The following PAXIP1 variants were observed in gnomAD, a reference collection of about 807,000 sequenced individuals.
The protein encoded by PAXIP1 is PAX interacting protein 1, also known as PAX-interacting protein 1.
In PAXIP1, 19 loss-of-function variants were observed where a neutral mutation model predicts 140.6. The observed-to-expected ratio is 0.14, with a 90% confidence interval of 0.09 to 0.20. The LOEUF (loss-of-function observed/expected upper bound fraction) is 0.20, where lower values mean the gene tolerates loss of function less well. Ranked by LOEUF, PAXIP1 falls within the 10% of genes least tolerant of loss-of-function variation. The probability of loss-of-function intolerance (pLI) is 1.00; values close to 1 mark genes in which losing one functional copy is unlikely to be tolerated. For missense variants in PAXIP1, 920 were observed against 1,208.6 expected, an observed-to-expected ratio of 0.76 and a Z score of 3.54; for synonymous variants, 442 against 444.6, an observed-to-expected ratio of 0.99 and a Z score of 0.07.
At chr7:154,953,960 T>G (rs1002959930) in intron 16 of PAXIP1, among the ~76,000 whole-genome samples, 3 of 152,158 alleles carry the variant, frequency 2.0e-5, no homozygotes, top group Non-Finnish European at 4.4e-5. Context: ...TTGAAAAATC[T>G]CATTTTACAG....
intron 20 of PAXIP1, 51 bp from the exon 21 acceptor site, chr7:154,944,215 T>A: frequency 6.5e-7 from 1 of 1,548,476 alleles, no homozygotes; most frequent in Non-Finnish European, 8.8e-7. Flanking sequence ...AAGAAAAACA[T>A]GAAACCAAGG....
At chr7:154,993,682 CAG>C (rs1287154453) in intron 3 of PAXIP1, 42 bp downstream of exon 3, 8 of 1,454,030 alleles carry the variant, frequency 5.5e-6, no homozygotes, top group African/African-American at 2.8e-5. Context: ...GTCTTAAACC[CAG>C]AGTTACCCTT....
At chr7:154,995,750 T>C (rs917932879) in intron 2 of PAXIP1, among the ~76,000 whole-genome samples, 9 of 152,014 alleles carry the variant, frequency 5.9e-5, no homozygotes, top group Admixed American at 5.2e-4. Flanking sequence ...CTAGGGAGGC[T>C]GAGAGAGGAG....
In PAXIP1 at chr7:154,970,764, G is replaced by A. The variant is rs530414104; in HGVS notation, c.1075-1638C>T. On this transcript the variant is annotated intron_variant, in intron 6 of 20. Coordinates refer to ENST00000404141, the MANE Select transcript of PAXIP1 (RefSeq NM_007349.4). ...TACACGGCAAACTGCTGGAAACAGC[G>A]GCTGCCTCTTGAGAAGGTAAACAGC... Among the ~76,000 whole-genome samples the A allele has an allele frequency of 5.3e-5, 8 of 152,328 alleles. No homozygotes were observed. The East Asian group carries it at 9.6e-4, about 18-fold the overall frequency.
intron 16 of PAXIP1, chr7:154,950,126 A>C (rs1202318735): frequency 6.6e-6 from 1 of 152,226 alleles, no homozygotes; most frequent in Non-Finnish European, 1.5e-5. Flanking sequence ...AATTTTATGT[A>C]AGTTACACAT....
At chr7:154,947,831 C>A in intron 17 of PAXIP1, 72 bp downstream of exon 17, 2 of 1,081,828 alleles carry the variant, frequency 1.8e-6, no homozygotes, top group Non-Finnish European at 2.9e-6. Flanking sequence ...CACCAAATCA[C>A]CTGGTAGTTC....
chr7:154,945,819 G>A, intron 20 of PAXIP1: 1 of 983,886 alleles, frequency 1.0e-6, no homozygotes, highest in South Asian at 4.7e-5. Flanking sequence ...TCAAATAACA[G>A]ATGATGAGCT....
chr7:154,968,717 T>C lies in PAXIP1; in HGVS notation c.1484A>G (p.His495Arg). The C allele has an allele frequency of 1.4e-6, 1 of 718,422 alleles. No individual in the cohort carries two copies. Among genetic ancestry groups the C allele is most frequent in the Non-Finnish European group, 2.6e-6 (1 of 385,182 alleles). The allele number at this position is 718,422 out of a possible 1,614,324, so 44.5% of individuals were successfully genotyped here. A position where few individuals can be genotyped will look rare whatever the true frequency, so the allele number is the denominator to read the frequency against. The stretch of plus-strand genomic sequence containing the variant: ...CTGATGGAACTGCTGCTGCAGGGCA[T>C]GCTGCTGCTGAAAGGGCTGGAGCTG... ...QQQLQPFQQQ[H>R]ALQQQFHQLQ... Residue 495 changes from histidine to arginine, a missense_variant, in exon 7 of 21, where the codon CAT (histidine) becomes CGT (arginine). Transcript: ENST00000404141.
intron 9 of PAXIP1, among the ~76,000 whole-genome samples, chr7:154,962,924 A>C (rs1808823190): frequency 6.6e-6 from 1 of 152,310 alleles, no homozygotes; most frequent in Admixed American, 6.5e-5. Flanking sequence ...GTGTCTTGGA[A>C]GTCATTTGTC....
At chr7:154,999,790 G>C (rs534718700) in intron 1 of PAXIP1, among the ~76,000 whole-genome samples, 1 of 152,292 alleles carries the variant, frequency 6.6e-6, no homozygotes, top group Non-Finnish European at 1.5e-5. Context: ...GGATCTCCCT[G>C]ACAGAAAGTC....
rs545965273 is a variant in PAXIP1, at chr7:154,957,462, T to C, written c.2479-168A>G. 3.9e-5 allele frequency among the ~76,000 whole-genome samples: 6 copies of C among 152,336 alleles called. No individual in the cohort carries two copies. The South Asian group carries it at 1.0e-3, about 26-fold the overall frequency. On this transcript the variant is annotated intron_variant, in intron 13 of 20. Coordinates refer to ENST00000404141, the MANE Select transcript of PAXIP1 (RefSeq NM_007349.4). The stretch of plus-strand genomic sequence containing the variant: ...TCACCTCAAAAGATCACTAGGACAA[T>C]GCAAGTGGGGAGAAGCAGCTAATAT...
chr7:154,965,908 C>G (rs1808992497), intron 8 of PAXIP1, among the ~76,000 whole-genome samples: 1 of 152,106 alleles, frequency 6.6e-6, no homozygotes, highest in Admixed American at 6.5e-5. Context: ...CCTCAATCTA[C>G]CAGTGTTTTC....
chr7:154,961,044 C>T lies in PAXIP1; in HGVS notation c.2283G>A (p.Glu761=). 2 of 1,590,258 alleles carry T rather than the reference C, an allele frequency of 1.3e-6. No homozygotes were observed. The highest frequency in any genetic ancestry group is 8.5e-7 in the Non-Finnish European group (1 of 1,169,596). Residue 761 remains glutamate (E), a synonymous_variant, in exon 12 of 21, where the codon GAG becomes GAA. Transcript: ENST00000404141. Reference sequence around the variant, plus strand: ...GGGCGTTGACACAGGGTATCCTCCACTCTTTGGCTTTTTCATACTTTAAAC... The same window carrying T: ...GGGCGTTGACACAGGGTATCCTCCATTCTTTGGCTTTTTCATACTTTAAAC... ...PTGLKYEKAK[E]WRIPCVNAQW... is the part of the protein sequence containing the mutation.
chr7:154,962,650 G>A (rs1808804966), intron 9 of PAXIP1, 192 bp from the exon 10 acceptor site: 1 of 485,058 alleles, frequency 2.1e-6, no homozygotes, highest in Non-Finnish European at 3.7e-6. Flanking sequence ...ACCTAAAAAT[G>A]TTACTATCCA....
At chr7:154,978,047 A>G (rs1809681075) in intron 5 of PAXIP1, among the ~76,000 whole-genome samples, 1 of 151,976 alleles carries the variant, frequency 6.6e-6, no homozygotes, top group Non-Finnish European at 1.5e-5. Context: ...ATAACTGGCA[A>G]TCTTTTACAA....
In PAXIP1 at chr7:154,960,972, C is replaced by A; in HGVS notation, c.2355G>T (p.Gln785His). ...ILLGNFEALR[Q>H]IQYSRYTAFS... is the part of the protein sequence containing the mutation. The stretch of plus-strand genomic sequence containing the variant: ...ATGCCGTGTAGCGACTATACTGAAT[C>A]TGCCTCAGTGCCTCAAAGTTTCCCA... Residue 785 changes from glutamine to histidine, a missense_variant, in exon 12 of 21, where the codon CAG becomes CAT. Coordinates refer to ENST00000404141, the MANE Select transcript of PAXIP1 (RefSeq NM_007349.4). The A allele has an allele frequency of 6.2e-7, 1 of 1,604,440 alleles. No homozygotes were observed. The highest frequency in any genetic ancestry group is 8.5e-7 in the Non-Finnish European group (1 of 1,175,062).
chr7:154,959,361 G>C (rs192904612), intron 13 of PAXIP1, among the ~76,000 whole-genome samples: 2 of 152,174 alleles, frequency 1.3e-5, no homozygotes, highest in Non-Finnish European at 2.9e-5. Flanking sequence ...ATGTTCAGTC[G>C]AACAGTGAGA....
At chr7:154,945,744 G>A (rs1807938391) in intron 20 of PAXIP1, 6 of 985,160 alleles carry the variant, frequency 6.1e-6, no homozygotes, top group Non-Finnish European at 7.2e-6. Context: ...TGTAAGGCAT[G>A]TTTTGCTTCA....
At chr7:154,978,253 T>A (rs1439509257) in intron 5 of PAXIP1, among the ~76,000 whole-genome samples, 1 of 152,204 alleles carries the variant, frequency 6.6e-6, no homozygotes, top group Non-Finnish European at 1.5e-5. Flanking sequence ...CATCCCCCAG[T>A]GTTAGCCACG....
Sources: allele counts gnomAD v4.1 joint callset (sites outside exome capture counted in the v4.1 genomes callset), GRCh38; gene constraint gnomAD v4.1.1; transcripts MANE v1.5; gene names NCBI Gene and HGNC (gene_info 2026-07-23, HGNC 2026-07-21).